Variants in FAT3 observed in about 807,000 individuals in gnomAD.
The protein encoded by FAT3 is FAT atypical cadherin 3.
Under a neutral mutation model 310.2 loss-of-function variants are expected in FAT3, and 95 were observed. The observed-to-expected ratio is 0.31, with a 90% CI of 0.26 to 0.36. The LOEUF (loss-of-function observed/expected upper bound fraction) is 0.36, where lower values mean the gene tolerates loss of function less well. Among genes scored for constraint, FAT3 ranks in the 10% least tolerant of loss-of-function variants. The pLI, the probability that FAT3 is intolerant of heterozygous loss-of-function variation, is 1.00. For missense variants in FAT3, 5,408 were observed against 5,715.6 expected, an observed-to-expected ratio of 0.95 and a Z score of 1.74; for synonymous variants, 2,314 against 2,192.9, an observed-to-expected ratio of 1.06 and a Z score of -1.54.
In FAT3 at chr11:92,766,424, TC is replaced by T. The variant is rs1392283444; in HGVS notation, c.4195+1342del. Among the ~76,000 whole-genome samples, 5 of 152,034 alleles carry T rather than the reference TC, an allele frequency of 3.3e-5. No homozygotes were observed. The South Asian group carries it at 6.3e-4, about 19-fold the overall frequency. ...GATAGGATGGGCAGGAACCTGCCTC[TC>T]CCCCCCAGGAATGGCTGTACTTGGG... On this transcript the variant is annotated intron_variant, in intron 6 of 27. Coordinates refer to ENST00000525166, the MANE Select transcript of FAT3 (RefSeq NM_001367949.2).
intron 3 of FAT3, among the ~76,000 whole-genome samples, chr11:92,593,244 A>G (rs1939529780): frequency 6.6e-6 from 1 of 151,904 alleles, no homozygotes; most frequent in Admixed American, 6.6e-5. Flanking sequence ...CATTTTGATT[A>G]TTGTGAATAA....
intron 2 of FAT3, among the ~76,000 whole-genome samples, chr11:92,426,860 C>T (rs569485706): frequency 6.6e-6 from 1 of 152,242 alleles, no homozygotes; most frequent in Non-Finnish European, 1.5e-5. Flanking sequence ...GCTATACAGG[C>T]TCTTGTTTGG....
At chr11:92,739,929 G>C (rs1240480767) in intron 4 of FAT3, among the ~76,000 whole-genome samples, 9 of 152,232 alleles carry the variant, frequency 5.9e-5, no homozygotes, top group Non-Finnish European at 1.0e-4. Context: ...GAAATCTCAG[G>C]ACCTTTCACA....
chr11:92,353,829 G>T lies in FAT3; in HGVS notation c.1717G>T (p.Asp573Tyr), dbSNP rs770533228. 2.5e-6 allele frequency: 4 copies of T among 1,613,648 alleles called. No individual in the cohort carries two copies. The South Asian group carries it at 4.4e-5, about 18-fold the overall frequency. The change falls in exon 2 of 28, where the codon GAC becomes TAC. Residue 573 changes from aspartate (D) to tyrosine (Y), a missense_variant. This residue lies in a region of FAT3 where 4,588 missense variants were observed against 4,809.8 expected (regional missense o/e 0.95). Coordinates refer to ENST00000525166, the MANE Select transcript of FAT3 (RefSeq NM_001367949.2). ...NVTIRIGNVN[D>Y]NSPLFEKVAC... ...GACTATTCGAATAGGAAATGTCAAC[G>T]ACAACAGCCCTCTCTTTGAAAAAGT... is the stretch of plus-strand genomic sequence containing the variant.
chr11:92,436,156 T>C (rs955389653), intron 2 of FAT3, among the ~76,000 whole-genome samples: 9 of 152,180 alleles, frequency 5.9e-5, no homozygotes, highest in Admixed American at 2.6e-4. Context: ...TCTTGCTCTC[T>C]CACCCAGGCT....
intron 2 of FAT3, among the ~76,000 whole-genome samples, chr11:92,439,870 C>T (rs966426238): frequency 6.6e-5 from 10 of 151,548 alleles, no homozygotes; most frequent in African/African-American, 1.5e-4. Context: ...GAGCGTTGAT[C>T]GCACCACTGC....
At chr11:92,843,028 C>A (rs1337162546) in intron 18 of FAT3, among the ~76,000 whole-genome samples, 1 of 148,396 alleles carries the variant, frequency 6.7e-6, no homozygotes, top group Non-Finnish European at 1.5e-5. Flanking sequence ...GAAGTTGATG[C>A]TGCTATTTTA....
chr11:92,227,343 T>G (rs2134216462), intron 1 of FAT3, among the ~76,000 whole-genome samples: 1 of 152,288 alleles, frequency 6.6e-6, no homozygotes, highest in East Asian at 1.9e-4. Context: ...CTGGCTTTGT[T>G]GCTAGGATTA....
chr11:92,431,549 C>T (rs1438597394), intron 2 of FAT3, among the ~76,000 whole-genome samples: 4 of 152,034 alleles, frequency 2.6e-5, no homozygotes, highest in Non-Finnish European at 5.9e-5. Context: ...GCTTTTGTTG[C>T]CATTGCTTTT....
At chr11:92,661,624 A>T (rs536239188) in intron 3 of FAT3, among the ~76,000 whole-genome samples, 1 of 152,050 alleles carries the variant, frequency 6.6e-6, no homozygotes, top group Admixed American at 6.6e-5. Flanking sequence ...ATGTTGACAC[A>T]TGCCCATTCA....
intron 2 of FAT3, among the ~76,000 whole-genome samples, chr11:92,423,182 T>C (rs1303530963): frequency 6.6e-6 from 1 of 152,134 alleles, no homozygotes; most frequent in African/African-American, 2.4e-5. Context: ...GAGACAATAA[T>C]CAGCAAAATA....
At chr11:92,474,254 G>GGTTGT (rs1487493777) in intron 2 of FAT3, among the ~76,000 whole-genome samples, 1 of 152,120 alleles carries the variant, frequency 6.6e-6, no homozygotes, top group African/African-American at 2.4e-5. Flanking sequence ...AATGAAGAGT[G>GGTTGT]GTTGTGCCAA....
rs568033512 is a variant in FAT3, at chr11:92,831,415, A to G, written c.9482-207A>G. Among the ~76,000 whole-genome samples the G allele has an allele frequency of 1.5e-3, 231 of 152,098 alleles. 2 individuals are homozygous for G. The highest frequency in any genetic ancestry group is 5.2e-3 in the South Asian group (25 of 4,812). ...ACTATTTCTGATATTTGTTGCCAGT[A>G]TTTTCCCAGTTTCTTTGCCTTTTAA... is the stretch of plus-strand genomic sequence containing the variant. On this transcript the variant is annotated intron_variant, in intron 13 of 27. Transcript: ENST00000525166.
intron 3 of FAT3, among the ~76,000 whole-genome samples, chr11:92,565,191 A>G (rs1955384108): frequency 6.7e-6 from 1 of 149,410 alleles, no homozygotes; most frequent in African/African-American, 2.4e-5. Context: ...ACAATAAAAA[A>G]TGATAAAGGG....
chr11:92,545,166 G>A (rs628783), intron 3 of FAT3, among the ~76,000 whole-genome samples: 61,529 of 151,828 alleles, frequency 0.41, 12,948 homozygotes, highest in Middle Eastern at 0.54. Flanking sequence ...TCTTCTTGAT[G>A]TCCATGTAAC....
chr11:92,788,614 G>A (rs1006442918), intron 7 of FAT3, among the ~76,000 whole-genome samples: 1 of 152,072 alleles, frequency 6.6e-6, no homozygotes, highest in African/African-American at 2.4e-5. Flanking sequence ...GAACAAGAGA[G>A]AGAACCAGAT....
intron 2 of FAT3, among the ~76,000 whole-genome samples, chr11:92,454,876 A>G (rs993456092): frequency 3.9e-5 from 6 of 152,170 alleles, no homozygotes; most frequent in South Asian, 2.1e-4. Flanking sequence ...TTTAATAGGC[A>G]TCATCTGTTT....
chr11:92,231,116 C>T (rs1321889799), intron 1 of FAT3, among the ~76,000 whole-genome samples: 1 of 152,322 alleles, frequency 6.6e-6, no homozygotes, highest in East Asian at 1.9e-4. Flanking sequence ...TCCCACCCCC[C>T]AATTTCAAAG....
At chr11:92,247,504 G>C (rs900972717) in intron 1 of FAT3, among the ~76,000 whole-genome samples, 5 of 151,804 alleles carry the variant, frequency 3.3e-5, no homozygotes, top group African/African-American at 1.2e-4. Context: ...CAGACACATG[G>C]GATACCTCTG....
Sources: gnomAD v4.1 joint callset for allele counts (sites outside exome capture counted in the v4.1 genomes callset) on GRCh38, gnomAD v4.1.1 for gene constraint, gnomAD v4.1.1 regional missense constraint, MANE v1.5 for transcripts, NCBI Gene and HGNC (gene_info 2026-07-23, HGNC 2026-07-21) for gene names.